The following RNF217 variants were observed in gnomAD, a reference collection of about 807,000 sequenced individuals.
The protein encoded by RNF217 is E3 ubiquitin-protein ligase RNF217.
A neutral mutation model predicts 57.8 loss-of-function variants in RNF217; 31 were observed. The ratio of observed to expected loss-of-function variants is 0.54; its 90% CI spans 0.40 to 0.72. The LOEUF (loss-of-function observed/expected upper bound fraction) is 0.72. RNF217 is among the 30% of genes least tolerant of loss of function. The probability of loss-of-function intolerance (pLI) is 0.00; values close to 1 mark genes in which losing one functional copy is unlikely to be tolerated. For missense variants in RNF217, 696 were observed against 708.3 expected, an observed-to-expected ratio of 0.98 and a Z score of 0.20; for synonymous variants, 313 against 294.0, an observed-to-expected ratio of 1.06 and a Z score of -0.66.
chr6:125,059,258 A>T (rs1787638369), intron 3 of RNF217, among the ~76,000 whole-genome samples: 1 of 152,170 alleles, frequency 6.6e-6, no homozygotes, highest in Non-Finnish European at 1.5e-5. Flanking sequence ...TTTGGCCTAA[A>T]GTTTTCTTTG....
intron 1 of RNF217, among the ~76,000 whole-genome samples, chr6:125,018,215 G>C (rs907452434): frequency 6.6e-6 from 1 of 152,150 alleles, no homozygotes; most frequent in East Asian, 1.9e-4. Flanking sequence ...ATCTTGTACA[G>C]TGTTTTAAAT....
intron 1 of RNF217, among the ~76,000 whole-genome samples, chr6:124,991,217 T>A (rs1343564509): frequency 1.3e-5 from 2 of 152,200 alleles, no homozygotes; most frequent in Non-Finnish European, 2.9e-5. Context: ...CTCCATTTTC[T>A]ATTCCTCCTG....
chr6:125,005,608 C>A (rs562991663), intron 1 of RNF217, among the ~76,000 whole-genome samples: 2 of 152,180 alleles, frequency 1.3e-5, no homozygotes, highest in South Asian at 4.1e-4. Context: ...TTTGAAAGAA[C>A]TTTTTTCTTA....
chr6:125,037,443 T>G (rs1394709045), intron 1 of RNF217, among the ~76,000 whole-genome samples: 1 of 152,172 alleles, frequency 6.6e-6, no homozygotes, highest in East Asian at 1.9e-4. Flanking sequence ...TTGATGTACT[T>G]AAATGTTTTC....
intron 1 of RNF217, chr6:125,009,401 T>A: frequency 1.6e-6 from 1 of 640,360 alleles, no homozygotes; most frequent in Non-Finnish European, 2.8e-6. Context: ...GTAGATTTTT[T>A]CACTTTCCTT....
chr6:125,065,289 T>TAAA (rs1582769679), intron 3 of RNF217, among the ~76,000 whole-genome samples: 1 of 96,372 alleles, frequency 1.0e-5, no homozygotes, highest in African/African-American at 5.9e-5. Flanking sequence ...AGACTCTGTC[T>TAAA]CAAAAAAAAA....
chr6:124,981,244 G>A (rs1784149024), intron 1 of RNF217, among the ~76,000 whole-genome samples: 1 of 151,918 alleles, frequency 6.6e-6, no homozygotes, highest in African/African-American at 2.4e-5. Context: ...TTATTTACAG[G>A]GTATTTAACT....
intron 1 of RNF217, among the ~76,000 whole-genome samples, chr6:124,981,953 G>C (rs143809554): frequency 6.6e-6 from 1 of 150,502 alleles, no homozygotes; most frequent in African/African-American, 2.5e-5. Context: ...ACTTGAACCC[G>C]GGAGGCAGAG....
intron 1 of RNF217, among the ~76,000 whole-genome samples, chr6:124,994,453 A>G (rs1784674469): frequency 6.6e-6 from 1 of 152,180 alleles, no homozygotes; most frequent in Non-Finnish European, 1.5e-5. Context: ...ATATCTAGTC[A>G]GTGTTCAAAT....
chr6:124,993,732 T>C (rs927643001), intron 1 of RNF217, among the ~76,000 whole-genome samples: 1 of 152,084 alleles, frequency 6.6e-6, no homozygotes, highest in African/African-American at 2.4e-5. Context: ...AGGGAGAGTT[T>C]TGTAAGGAAT....
At chr6:125,028,847 A>C (rs1488458168) in intron 1 of RNF217, among the ~76,000 whole-genome samples, 1 of 151,902 alleles carries the variant, frequency 6.6e-6, no homozygotes. Context: ...CTGCTTATGT[A>C]AGTCTTCTGA....
chr6:125,082,846 AT>A lies in RNF217; in HGVS notation c.1556-12del, dbSNP rs892816887. Reference sequence around the variant, plus strand: ...ATGCCTCTCATCCTAACTAACTTTAATTTTTTCTTATCCCTAGGTTTATTTG... The same window carrying A: ...ATGCCTCTCATCCTAACTAACTTTAATTTTTCTTATCCCTAGGTTTATTTG... On this transcript the variant is annotated splice_polypyrimidine_tract_variant and intron_variant, in intron 5 of 5. Coordinates refer to ENST00000521654, the MANE Select transcript of RNF217 (RefSeq NM_001286398.3). 2 of 1,568,292 alleles carry A rather than the reference AT, an allele frequency of 1.3e-6. No individual in the cohort carries two copies. Among genetic ancestry groups the A allele is most frequent in the Non-Finnish European group, 1.7e-6 (2 of 1,149,456 alleles).
intron 1 of RNF217, chr6:125,006,104 TACTTCCCAGGA>T (rs1214545291): frequency 6.6e-6 from 1 of 152,222 alleles, no homozygotes; most frequent in Non-Finnish European, 1.5e-5. Flanking sequence ...GGCTTGAGGA[TACTTCCCAGGA>T]ACTCCTGCCT....
chr6:124,983,600 G>A lies in RNF217; in HGVS notation c.882+20174G>A, dbSNP rs114103798. ...TAGGCTTCACTTTCATAAGGGTGTG[G>A]GGGAGATACCTAACGATGTTTTCAC... On this transcript the variant is annotated intron_variant, in intron 1 of 5. Transcript: ENST00000521654. 533 of 582,618 alleles carry A rather than the reference G, an allele frequency of 9.1e-4. 2 individuals are homozygous for A. The African/African-American group carries it at 9.9e-3, about 11-fold the overall frequency. 36.1% of individuals were successfully genotyped at this position (582,618 alleles called of 1,614,324 possible).
chr6:124,981,940 A>C (rs1784183154), intron 1 of RNF217, among the ~76,000 whole-genome samples: 1 of 149,566 alleles, frequency 6.7e-6, no homozygotes, highest in Non-Finnish European at 1.5e-5. Context: ...AGGCAGAAGA[A>C]CCACTTGAAC....
At chr6:125,016,503 T>C (rs898258613) in intron 1 of RNF217, among the ~76,000 whole-genome samples, 2 of 152,184 alleles carry the variant, frequency 1.3e-5, no homozygotes, top group Non-Finnish European at 2.9e-5. Context: ...TTATTTTTAA[T>C]GGAATCTGTG....
chr6:125,029,325 A>T (rs1273628646), intron 1 of RNF217, among the ~76,000 whole-genome samples: 2 of 152,188 alleles, frequency 1.3e-5, no homozygotes, highest in Non-Finnish European at 2.9e-5. Context: ...TTATTTTTTC[A>T]TATTCAAATA....
Position 125,083,787 on chromosome 6 carries a change from T to C in RNF217, c.*850T>C, listed in dbSNP as rs1788687471. On this transcript the variant is annotated 3_prime_UTR_variant, in exon 6 of 6. Coordinates refer to ENST00000521654, the MANE Select transcript of RNF217 (RefSeq NM_001286398.3). ...TTTGTCACACAAACACAGAAATTTG[T>C]GCAACGTCACCCCAAGGAGTATTAA... 6.6e-6 allele frequency: 1 copy of C among 152,116 alleles called. No individual in the cohort carries two copies. Among genetic ancestry groups the C allele is most frequent in the Non-Finnish European group, 1.5e-5 (1 of 68,004 alleles). The allele number at this position is 152,116 out of a possible 1,614,324, so 9.4% of individuals were successfully genotyped here. A position where few individuals can be genotyped will look rare whatever the true frequency, so the allele number is the denominator to read the frequency against.
intron 1 of RNF217, among the ~76,000 whole-genome samples, chr6:124,968,452 T>C (rs1372073493): frequency 6.6e-6 from 1 of 152,200 alleles, no homozygotes; most frequent in Non-Finnish European, 1.5e-5. Flanking sequence ...TAATTTTTCT[T>C]TTTTCTTTTC....
Sources: gnomAD v4.1 joint callset for allele counts (sites outside exome capture counted in the v4.1 genomes callset) on GRCh38, gnomAD v4.1.1 for gene constraint, MANE v1.5 for transcripts, NCBI Gene and HGNC (gene_info 2026-07-23, HGNC 2026-07-21) for gene names.